Variants in KCNIP4 observed in about 807,000 individuals in gnomAD.
The protein encoded by KCNIP4 is potassium voltage-gated channel interacting protein 4, also known as Kv channel-interacting protein 4.
In KCNIP4, 12 loss-of-function variants were observed where a neutral mutation model predicts 34.0. The ratio of observed to expected loss-of-function variants is 0.35; its 90% CI spans 0.23 to 0.57. The LOEUF (loss-of-function observed/expected upper bound fraction) is 0.57. KCNIP4 is among the 20% of genes least tolerant of loss of function. The pLI is 0.83. For missense variants in KCNIP4, 238 were observed against 311.7 expected, an observed-to-expected ratio of 0.76 and a Z score of 1.78; for synonymous variants, 124 against 102.2, an observed-to-expected ratio of 1.21 and a Z score of -1.29.
In KCNIP4 at chr4:20,743,756, C is replaced by T. The variant is rs553804561; in HGVS notation, c.429+5906G>A. On this transcript the variant is annotated intron_variant, in intron 5 of 8. Coordinates refer to ENST00000382152, the MANE Select transcript of KCNIP4 (RefSeq NM_025221.6). ...CACCAAAAGCAATGGCAACAAAAGCCAAAATTGACAAATGGGATCTAATTA... is the reference window on the plus strand; with the variant it reads ...CACCAAAAGCAATGGCAACAAAAGCTAAAATTGACAAATGGGATCTAATTA... Among the ~76,000 whole-genome samples the T allele has an allele frequency of 2.8e-4, 43 of 152,120 alleles. 2 individuals are homozygous for T. The highest frequency in any genetic ancestry group is 2.6e-3 in the Admixed American group (39 of 15,268).
chr4:21,277,904 C>A (rs984861565), intron 1 of KCNIP4, among the ~76,000 whole-genome samples: 3 of 152,128 alleles, frequency 2.0e-5, no homozygotes, highest in Non-Finnish European at 2.9e-5. Context: ...TGCTAAACAG[C>A]TTCCAGACAG....
intron 1 of KCNIP4, among the ~76,000 whole-genome samples, chr4:20,997,891 G>A (rs927487272): frequency 6.6e-6 from 1 of 152,156 alleles, no homozygotes; most frequent in African/African-American, 2.4e-5. Context: ...AAGTCACCTC[G>A]GGTGAAATTG....
At chr4:20,849,447 G>A (rs1158353916) in intron 3 of KCNIP4, among the ~76,000 whole-genome samples, 7 of 152,124 alleles carry the variant, frequency 4.6e-5, no homozygotes, top group South Asian at 4.1e-4. Flanking sequence ...GTCAACTACC[G>A]GTATGAATTC....
At chr4:20,750,041 A>T (rs1753310037) in intron 4 of KCNIP4, among the ~76,000 whole-genome samples, 1 of 152,170 alleles carries the variant, frequency 6.6e-6, no homozygotes, top group African/African-American at 2.4e-5. Flanking sequence ...GTGAAGATTG[A>T]GACTTGTCTG....
intron 1 of KCNIP4, among the ~76,000 whole-genome samples, chr4:21,677,925 T>C (rs1163731282): frequency 6.6e-6 from 1 of 152,194 alleles, no homozygotes; most frequent in Admixed American, 6.5e-5. Context: ...AATTATTTTG[T>C]ATTTTTAGTA....
chr4:21,337,665 G>T (rs1220288587), intron 1 of KCNIP4, among the ~76,000 whole-genome samples: 2 of 152,062 alleles, frequency 1.3e-5, no homozygotes, highest in African/African-American at 4.8e-5. Flanking sequence ...CTCCTAAGAG[G>T]CTTCAACTGG....
chr4:21,045,322 A>G (rs1742338585), intron 1 of KCNIP4, among the ~76,000 whole-genome samples: 2 of 152,156 alleles, frequency 1.3e-5, no homozygotes, highest in Non-Finnish European at 2.9e-5. Flanking sequence ...CTGGGGTGGG[A>G]CCTAATATTC....
intron 1 of KCNIP4, among the ~76,000 whole-genome samples, chr4:20,888,680 T>C (rs538052388): frequency 1.4e-4 from 22 of 152,274 alleles, no homozygotes; most frequent in African/African-American, 5.1e-4. Flanking sequence ...AATGGACAGA[T>C]TCATATCTTA....
chr4:21,496,738 C>T lies in KCNIP4; in HGVS notation c.61+451833G>A, dbSNP rs866008279. 3.3e-4 allele frequency among the ~76,000 whole-genome samples: 50 copies of T among 152,320 alleles called. 1 individual carries two copies. Among genetic ancestry groups the T allele is most frequent in the Middle Eastern group, 6.8e-3 (2 of 294 alleles). Reference sequence around the variant, plus strand: ...TGAGCAGGCATTACTGCCTGAGCTCCACCTCCTGTCAGATCTGGGTGGCAT... The same window carrying T: ...TGAGCAGGCATTACTGCCTGAGCTCTACCTCCTGTCAGATCTGGGTGGCAT... On this transcript the variant is annotated intron_variant, in intron 1 of 8. Coordinates refer to ENST00000382152, the MANE Select transcript of KCNIP4 (RefSeq NM_025221.6).
At position 21,881,274 on chromosome 4, in the gene KCNIP4, A is replaced by G. The variant is rs532214374; in HGVS notation, c.61+67297T>C. 3.9e-5 allele frequency among the ~76,000 whole-genome samples: 6 copies of G among 152,304 alleles called. No homozygotes were observed. The East Asian group carries it at 9.6e-4, about 24-fold the overall frequency. The stretch of plus-strand genomic sequence containing the variant: ...TAACTCTTTATATTGAAATAATGCA[A>G]ATGAATAAACGTGCTATCATAATAG... On this transcript the variant is annotated intron_variant, in intron 1 of 8. Coordinates refer to ENST00000382152, the MANE Select transcript of KCNIP4 (RefSeq NM_025221.6).
In KCNIP4 at chr4:21,074,793, C is replaced by G. The variant is rs112241794; in HGVS notation, c.62-192084G>C. Among the ~76,000 whole-genome samples the G allele has an allele frequency of 6.1e-3, 934 of 152,276 alleles. 8 individuals are homozygous for G. Among genetic ancestry groups the G allele is most frequent in the African/African-American group, 0.021 (892 of 41,562 alleles). On this transcript the variant is annotated intron_variant, in intron 1 of 8. Transcript: ENST00000382152. The stretch of plus-strand genomic sequence containing the variant: ...GGCATTTAGTGCTATAAATTTCCCT[C>G]TACACACTGCTTTAAATGTGTCCCA...
At chr4:21,583,541 T>G (rs1225230050) in intron 1 of KCNIP4, among the ~76,000 whole-genome samples, 1 of 152,000 alleles carries the variant, frequency 6.6e-6, no homozygotes, top group Non-Finnish European at 1.5e-5. Context: ...AATACCAGGA[T>G]TATATACTCT....
intron 3 of KCNIP4, among the ~76,000 whole-genome samples, chr4:20,800,254 C>T (rs1437604633): frequency 6.6e-6 from 1 of 152,176 alleles, no homozygotes; most frequent in Non-Finnish European, 1.5e-5. Flanking sequence ...TGCACTTTGC[C>T]CAACCAGTAC....
chr4:21,210,826 T>G (rs938740190), intron 1 of KCNIP4, among the ~76,000 whole-genome samples: 1 of 152,126 alleles, frequency 6.6e-6, no homozygotes, highest in African/African-American at 2.4e-5. Flanking sequence ...GCTAAAGAGA[T>G]CTCATGAGAG....
intron 1 of KCNIP4, among the ~76,000 whole-genome samples, chr4:21,591,034 A>G (rs952870497): frequency 6.6e-6 from 1 of 152,028 alleles, no homozygotes; most frequent in African/African-American, 2.4e-5. Context: ...TCAGGTATTT[A>G]GATGTTTGAA....
intron 1 of KCNIP4, among the ~76,000 whole-genome samples, chr4:21,284,404 A>G (rs1220469779): frequency 6.6e-6 from 1 of 152,124 alleles, no homozygotes; most frequent in African/African-American, 2.4e-5. Context: ...GGTACTTCTC[A>G]TTTTGCAGAT....
chr4:20,895,992 T>C (rs1433143334), intron 1 of KCNIP4, among the ~76,000 whole-genome samples: 1 of 150,872 alleles, frequency 6.6e-6, no homozygotes, highest in Non-Finnish European at 1.5e-5. Context: ...GCTCAAACAC[T>C]TTTTTTTTAA....
chr4:21,917,718 G>C lies in KCNIP4; in HGVS notation c.61+30853C>G, dbSNP rs550062534. ...AGGTCAGATTCCACCTTTTGCCAGA[G>C]AGAATAAGGCAGCTTCAGTTACAGT... On this transcript the variant is annotated intron_variant, in intron 1 of 8. Coordinates refer to ENST00000382152, the MANE Select transcript of KCNIP4 (RefSeq NM_025221.6). Among the ~76,000 whole-genome samples the C allele has an allele frequency of 4.6e-5, 7 of 152,244 alleles. No homozygotes were observed. In the South Asian group the frequency reaches 1.5e-3, roughly 32 times the overall value.
intron 1 of KCNIP4, among the ~76,000 whole-genome samples, chr4:21,411,175 G>A (rs554621872): frequency 6.6e-6 from 1 of 152,266 alleles, no homozygotes; most frequent in South Asian, 2.1e-4. Flanking sequence ...GTGAAATTTA[G>A]GGTAACAGAT....
Sources: gnomAD v4.1 joint callset for allele counts (sites outside exome capture counted in the v4.1 genomes callset) on GRCh38, gnomAD v4.1.1 for gene constraint, MANE v1.5 for transcripts, NCBI Gene and HGNC (gene_info 2026-07-23, HGNC 2026-07-21) for gene names.